Variants in CHD7 observed in about 807,000 individuals in gnomAD.
CHD7 encodes chromodomain helicase DNA binding protein 7, also known as ATP-dependent chromatin remodeler CHD7.
A neutral mutation model predicts 307.3 loss-of-function variants in CHD7; 24 were observed. The ratio of observed to expected loss-of-function variants is 0.08; its 90% CI spans 0.06 to 0.11. The LOEUF is 0.11. CHD7 is among the 10% of genes least tolerant of loss of function. CHD7 has a pLI of 1.00. For missense variants in CHD7, 3,106 were observed against 3,727.1 expected (o/e 0.83, Z 4.34); for synonymous variants, 1,363 against 1,349.9 (o/e 1.01, Z -0.21).
chr8:60,730,005 A>G (rs1374165135), intron 1 of CHD7, among the ~76,000 whole-genome samples: 1 of 152,232 alleles, frequency 6.6e-6, no homozygotes, highest in Non-Finnish European at 1.5e-5. Flanking sequence ...AATGATTTTT[A>G]GGGAAAATAT....
intron 2 of CHD7, among the ~76,000 whole-genome samples, chr8:60,772,640 C>G (rs1294770644): frequency 6.6e-6 from 1 of 152,084 alleles, no homozygotes; most frequent in Non-Finnish European, 1.5e-5. Flanking sequence ...TGAAACAAGA[C>G]AGATGCCTTG....
intron 3 of CHD7, among the ~76,000 whole-genome samples, chr8:60,789,987 G>A (rs1292836561): frequency 6.6e-6 from 1 of 152,176 alleles, no homozygotes; most frequent in East Asian, 1.9e-4. Flanking sequence ...TAAGACCTTG[G>A]TCACTTAGCT....
intron 32 of CHD7, chr8:60,855,041 T>C (rs1805638368): frequency 6.6e-6 from 1 of 152,214 alleles, no homozygotes; most frequent in Non-Finnish European, 1.5e-5. Flanking sequence ...CTAAATAGTA[T>C]AATTTTATAA....
intron 1 of CHD7, among the ~76,000 whole-genome samples, chr8:60,700,618 C>T (rs1266641041): frequency 6.6e-6 from 1 of 152,190 alleles, no homozygotes; most frequent in Non-Finnish European, 1.5e-5. Flanking sequence ...TGGTTGGGTG[C>T]CGGCTGGTGC....
intron 2 of CHD7, among the ~76,000 whole-genome samples, chr8:60,753,364 G>GA (rs936228531): frequency 1.3e-5 from 2 of 152,150 alleles, no homozygotes; most frequent in African/African-American, 4.8e-5. Flanking sequence ...TTTCTTACTT[G>GA]AAAATCATGG....
At chr8:60,831,999 G>T (rs1298930101) in intron 15 of CHD7, among the ~76,000 whole-genome samples, 1 of 151,888 alleles carries the variant, frequency 6.6e-6, no homozygotes, top group Non-Finnish European at 1.5e-5. Context: ...ACGAATCAGT[G>T]AATTTCTTTT....
chr8:60,697,353 A>G (rs6987676), intron 1 of CHD7, among the ~76,000 whole-genome samples: 20,174 of 152,196 alleles, frequency 0.13, 1,391 homozygotes, highest in East Asian at 0.19. Context: ...CTTTGCACTT[A>G]TAATAAAATA....
chr8:60,811,000 T>C (rs1195499445), intron 7 of CHD7, among the ~76,000 whole-genome samples: 2 of 152,154 alleles, frequency 1.3e-5, no homozygotes, highest in East Asian at 3.8e-4. Context: ...GCGAAGGATC[T>C]AGGTTTTGTG....
At chr8:60,730,785 G>A (rs184488836) in intron 1 of CHD7, among the ~76,000 whole-genome samples, 12 of 152,144 alleles carry the variant, frequency 7.9e-5, no homozygotes, top group Middle Eastern at 3.4e-3. Context: ...GCGTGAACCC[G>A]GGAGGTGGAG....
intron 7 of CHD7, among the ~76,000 whole-genome samples, chr8:60,810,090 C>T (rs570201687): frequency 3.8e-4 from 58 of 152,238 alleles, no homozygotes; most frequent in Middle Eastern, 3.4e-3. Flanking sequence ...CCACATTATC[C>T]CAGATTTGGT....
intron 2 of CHD7, among the ~76,000 whole-genome samples, chr8:60,764,080 C>T (rs559787165): frequency 5.9e-5 from 9 of 152,238 alleles, no homozygotes; most frequent in Admixed American, 2.6e-4. Flanking sequence ...CTCCGCCTCC[C>T]GGGTTCAAGC....
chr8:60,856,626 G>A lies in CHD7; in HGVS notation c.7346G>A (p.Arg2449Lys). ...GTTGTAGATTTATCAAAGGCCTCAAGAGAGGCAACAAGCTCTACCTCAAAT... is the reference window on the plus strand; with the variant it reads ...GTTGTAGATTTATCAAAGGCCTCAAAAGAGGCAACAAGCTCTACCTCAAAT... ...EKVVDLSKASREATSSTSNFS... is the reference protein window; with the variant it reads ...EKVVDLSKASKEATSSTSNFS... The change falls in exon 34 of 38, where the codon AGA becomes AAA. Residue 2449 changes from arginine to lysine, a missense_variant. Transcript: ENST00000423902. 6.2e-7 allele frequency: 1 copy of A among 1,614,014 alleles called. No individual in the cohort carries two copies. Among genetic ancestry groups the A allele is most frequent in the Non-Finnish European group, 8.5e-7 (1 of 1,179,878 alleles).
At chr8:60,739,869 G>A (rs1425615320) in intron 1 of CHD7, among the ~76,000 whole-genome samples, 2 of 151,966 alleles carry the variant, frequency 1.3e-5, no homozygotes, top group East Asian at 1.9e-4. Context: ...GACTGAGCCT[G>A]TTTTTATCAT....
chr8:60,698,026 A>C (rs1351133186), intron 1 of CHD7, among the ~76,000 whole-genome samples: 2 of 152,244 alleles, frequency 1.3e-5, no homozygotes, highest in Non-Finnish European at 2.9e-5. Context: ...AAACAGTGTC[A>C]CCAAGACTGT....
chr8:60,853,343 A>G lies in CHD7; in HGVS notation c.6618A>G (p.Glu2206=), dbSNP rs769201064. The change falls in exon 31 of 38, where the codon GAA becomes GAG. Residue 2206 remains glutamate, a synonymous_variant. Coordinates refer to ENST00000423902, the MANE Select transcript of CHD7 (RefSeq NM_017780.4). Reference sequence around the variant, plus strand: ...GCAGCGGGAAGGAGAGCAAGCAGGAATGTGAGGCAGAGGCCAGCTCTGTGA... The same window carrying G: ...GCAGCGGGAAGGAGAGCAAGCAGGAGTGTGAGGCAGAGGCCAGCTCTGTGA... ...TDGSGKESKQ[E]CEAEASSVKN... is the part of the protein sequence containing the mutation. The G allele has an allele frequency of 1.3e-6, 2 of 1,589,436 alleles. No homozygotes were observed. The highest frequency in any genetic ancestry group is 1.7e-6 in the Non-Finnish European group (2 of 1,167,934).
chr8:60,836,994 T>A lies in CHD7; in HGVS notation c.4167T>A (p.Asn1389Lys). ...GCATCATCTTTGATTCAGACTGGAA[T>A]CCCCAAAATGACCTCCAGGTAAATG... ...DTCIIFDSDW[N>K]PQNDLQAQAR... Residue 1389 changes from asparagine (N) to lysine (K), a missense_variant, in exon 17 of 38, where the codon AAT becomes AAA. Around this residue, in one of 10 missense-constraint regions of CHD7, gnomAD observed 93 missense variants for 176.4 expected, o/e 0.53. Transcript: ENST00000423902. 6.2e-7 allele frequency: 1 copy of A among 1,609,298 alleles called. No homozygotes were observed. Among genetic ancestry groups the A allele is most frequent in the Non-Finnish European group, 8.5e-7 (1 of 1,177,078 alleles).
At position 60,865,517 on chromosome 8, in the gene CHD7, A is replaced by C; in HGVS notation, c.8578A>C (p.Ser2860Arg). The C allele has an allele frequency of 1.2e-6, 2 of 1,614,088 alleles. No individual in the cohort carries two copies. Among genetic ancestry groups the C allele is most frequent in the Non-Finnish European group, 1.7e-6 (2 of 1,179,910 alleles). ...NEDENKDSEKSTDAVSAADSA... is the reference protein window; with the variant it reads ...NEDENKDSEKRTDAVSAADSA... The stretch of plus-strand genomic sequence containing the variant: ...AGACGAGAACAAAGACTCTGAGAAA[A>C]GCACAGATGCTGTTTCGGCTGCTGA... Residue 2860 changes from serine to arginine, a missense_variant, in exon 38 of 38, where the codon AGC (serine) becomes CGC (arginine). Physicochemically the swap from Ser to Arg is moderately radical, Grantham distance 110. Transcript: ENST00000423902. This position sits in a 1 kb window ranked among gnomAD's most constrained non-coding sequence, Gnocchi z 4.3.
Position 60,812,092 on chromosome 8 carries a change from G to A in CHD7, c.2498+3820G>A, listed in dbSNP as rs958118178. Among the ~76,000 whole-genome samples the A allele has an allele frequency of 3.3e-5, 5 of 152,080 alleles. No homozygotes were observed. In the South Asian group the frequency reaches 8.3e-4, roughly 25 times the overall value. On this transcript the variant is annotated intron_variant, in intron 7 of 37. Transcript: ENST00000423902. ...GTTGCAACTATCTTATCTCAGTTTCGATTGTCTTTTGACTTCATGGTGTTT... is the reference window on the plus strand; with the variant it reads ...GTTGCAACTATCTTATCTCAGTTTCAATTGTCTTTTGACTTCATGGTGTTT...
At chr8:60,694,497 C>T (rs752436884) in intron 1 of CHD7, among the ~76,000 whole-genome samples, 7 of 152,204 alleles carry the variant, frequency 4.6e-5, no homozygotes, top group African/African-American at 1.4e-4. Context: ...AATCAGAAAG[C>T]GTGACTTGCC....
Sources: gnomAD v4.1 joint callset for allele counts (sites outside exome capture counted in the v4.1 genomes callset) on GRCh38, gnomAD v4.1.1 for gene constraint, gnomAD v4.1.1 regional missense constraint, Gnocchi (gnomAD v3.1) non-coding constraint, MANE v1.5 for transcripts, NCBI Gene and HGNC (gene_info 2026-07-23, HGNC 2026-07-21) for gene names.